The following SYNE2 variants were observed in gnomAD, a reference collection of about 807,000 sequenced individuals.
SYNE2 encodes spectrin repeat containing nuclear envelope protein 2, also known as nesprin-2.
A neutral mutation model predicts 856.3 loss-of-function variants in SYNE2; 431 were observed. The observed-to-expected ratio is 0.50, with a 90% CI of 0.47 to 0.55. The LOEUF is 0.55. Among genes scored for constraint, SYNE2 ranks in the 20% least tolerant of loss-of-function variants. SYNE2 has a pLI of 0.00. For missense variants in SYNE2, 8,129 were observed against 8,023.2 expected, an observed-to-expected ratio of 1.01 and a Z score of -0.50; for synonymous variants, 2,923 against 2,872.3, an observed-to-expected ratio of 1.02 and a Z score of -0.56.
chr14:63,998,021 A>G (rs188029004), intron 25 of SYNE2, among the ~76,000 whole-genome samples, 198 bp from the exon 26 acceptor site: 38 of 152,334 alleles, frequency 2.5e-4, no homozygotes, highest in Admixed American at 1.4e-3. Context: ...CCATGCTGCC[A>G]TACCAGTTAG....
rs2153447404 is a variant in SYNE2 at position 63,961,424 on chromosome 14, AG to A, written c.788-100del. On this transcript the variant is annotated intron_variant, in intron 8 of 115. Transcript: ENST00000555002. ...GGTGACTACTTTGGTGCATTTCCAG[AG>A]CCTGTGAACCAAATGGCAGAGGCTA... 10 of 970,534 alleles carry A rather than the reference AG, an allele frequency of 1.0e-5. No individual in the cohort carries two copies. In the South Asian group the frequency reaches 1.1e-4, roughly 11 times the overall value. 60.1% of individuals were successfully genotyped at this position (970,534 alleles called of 1,614,324 possible).
chr14:64,219,510 A>T (rs1353474634), intron 110 of SYNE2, 100 bp downstream of exon 110: 15 of 1,166,268 alleles, frequency 1.3e-5, no homozygotes, highest in Non-Finnish European at 1.6e-5. Context: ...GCATAGGCGC[A>T]GCTTGCAGAT....
At chr14:63,907,021 T>C (rs2095416856) in intron 1 of SYNE2, among the ~76,000 whole-genome samples, 1 of 152,164 alleles carries the variant, frequency 6.6e-6, no homozygotes, top group African/African-American at 2.4e-5. Flanking sequence ...CACCTCCTAA[T>C]ACCGTGACAT....
At chr14:64,093,646 A>G (rs752296602) in intron 61 of SYNE2, among the ~76,000 whole-genome samples, 166 bp downstream of exon 61, 1 of 152,176 alleles carries the variant, frequency 6.6e-6, no homozygotes, top group Non-Finnish European at 1.5e-5. Context: ...TTCCATCCCT[A>G]TTTCATAAAA....
At position 64,028,230 on chromosome 14, in the gene SYNE2, C is replaced by T. The variant is rs1003312076; in HGVS notation, c.6714+437C>T. Among the ~76,000 whole-genome samples the T allele has an allele frequency of 5.9e-5, 9 of 151,846 alleles. No individual in the cohort carries two copies. In the South Asian group the frequency reaches 6.2e-4, roughly 10 times the overall value. The stretch of plus-strand genomic sequence containing the variant: ...TGTTGTTCTTTTGGTAAACTAAGAG[C>T]TTTCTAATTTGATTGATCCTGTTTA... On this transcript the variant is annotated intron_variant, in intron 43 of 115. Transcript: ENST00000555002.
At chr14:64,166,841 G>A (rs909891339) in intron 90 of SYNE2, 10 of 247,608 alleles carry the variant, frequency 4.0e-5, no homozygotes, top group African/African-American at 2.1e-4. Flanking sequence ...GCTGAAGCAG[G>A]AGAATCGTTT....
At chr14:63,845,658 C>G (rs746071079) in intron 1 of SYNE2, among the ~76,000 whole-genome samples, 48 of 150,060 alleles carry the variant, frequency 3.2e-4, no homozygotes, top group Non-Finnish European at 3.3e-4. Context: ...TTTTCTTTTT[C>G]TTTCTTTGTT....
At chr14:64,211,810 A>T in intron 103 of SYNE2, 151 bp from the exon 104 acceptor site, 1 of 1,122,956 alleles carries the variant, frequency 8.9e-7, no homozygotes, top group South Asian at 1.3e-5. Context: ...TGAACAACAT[A>T]GTGCTTCTGG....
intron 100 of SYNE2, among the ~76,000 whole-genome samples, chr14:64,207,035 A>C (rs1265007146): frequency 1.3e-5 from 2 of 152,202 alleles, no homozygotes; most frequent in Admixed American, 6.5e-5. Context: ...CCATTCGAGC[A>C]TATCAGGCAT....
intron 112 of SYNE2, among the ~76,000 whole-genome samples, chr14:64,222,438 C>T (rs901630699): frequency 9.2e-5 from 14 of 152,084 alleles, no homozygotes; most frequent in African/African-American, 2.7e-4. Flanking sequence ...ACATGTAGGC[C>T]GGGCACGGTG....
intron 1 of SYNE2, among the ~76,000 whole-genome samples, chr14:63,774,484 A>G (rs76337236): frequency 6.6e-6 from 1 of 151,404 alleles, no homozygotes; most frequent in East Asian, 1.9e-4. Context: ...AAAAAAAAAA[A>G]AAGAAAAAAA....
intron 96 of SYNE2, among the ~76,000 whole-genome samples, chr14:64,183,573 G>A (rs1290991071): frequency 3.3e-5 from 5 of 152,162 alleles, no homozygotes; most frequent in African/African-American, 1.2e-4. Flanking sequence ...GCGGCTGGGA[G>A]GTGGAGGTTG....
At chr14:63,814,481 A>ATG (rs367922882) in intron 1 of SYNE2, among the ~76,000 whole-genome samples, 9 of 109,076 alleles carry the variant, frequency 8.3e-5, no homozygotes, top group South Asian at 3.1e-4. Context: ...TATAATATAT[A>ATG]TCCTTATATA....
At chr14:64,071,789 G>T (rs1408600666) in intron 52 of SYNE2, among the ~76,000 whole-genome samples, 1 of 151,638 alleles carries the variant, frequency 6.6e-6, no homozygotes, top group Non-Finnish European at 1.5e-5. Context: ...GGCCAAGGTG[G>T]ATGGATCACC....
At chr14:64,217,890 G>A (rs1421355158) in intron 108 of SYNE2, among the ~76,000 whole-genome samples, 1 of 152,206 alleles carries the variant, frequency 6.6e-6, no homozygotes, top group Non-Finnish European at 1.5e-5. Flanking sequence ...AGAAGAGTCA[G>A]TATGTGCGGT....
intron 66 of SYNE2, among the ~76,000 whole-genome samples, chr14:64,117,342 C>T (rs946323327): frequency 6.6e-6 from 1 of 152,138 alleles, no homozygotes; most frequent in Non-Finnish European, 1.5e-5. Context: ...CTCTGTTACC[C>T]AGGCTGGAGT....
At chr14:64,017,781 C>T (rs775127746) in intron 34 of SYNE2, 25 bp downstream of exon 34, 1 of 1,609,406 alleles carries the variant, frequency 6.2e-7, no homozygotes, top group East Asian at 2.2e-5. Flanking sequence ...AAAATACATG[C>T]TTTTCTTGGT....
intron 100 of SYNE2, among the ~76,000 whole-genome samples, chr14:64,206,339 A>AT (rs1250484859): frequency 3.3e-5 from 5 of 152,228 alleles, no homozygotes; most frequent in African/African-American, 1.2e-4. Flanking sequence ...CTAAAACCTG[A>AT]TTCTTGTGCA....
chr14:64,189,334 CA>C (rs535544098), intron 98 of SYNE2, among the ~76,000 whole-genome samples: 252 of 132,074 alleles, frequency 1.9e-3, no homozygotes, highest in Non-Finnish European at 2.0e-3. Context: ...AATTCCATCT[CA>C]AAAAAAAAAA....
Sources: gnomAD v4.1 joint callset for allele counts (sites outside exome capture counted in the v4.1 genomes callset) on GRCh38, gnomAD v4.1.1 for gene constraint, MANE v1.5 for transcripts, NCBI Gene and HGNC (gene_info 2026-07-23, HGNC 2026-07-21) for gene names.